Variants in MYO9A observed in about 807,000 individuals in gnomAD.
MYO9A encodes the protein myosin IXA, also known as unconventional myosin-IXa.
Under a neutral mutation model 293.3 loss-of-function variants are expected in MYO9A, and 103 were observed. That is an observed-to-expected ratio of 0.35 (90% CI 0.30 to 0.41). The LOEUF is 0.41. MYO9A is among the 10% of genes least tolerant of loss of function. MYO9A has a pLI of 1.00. For synonymous variants in MYO9A, 1,001 were observed against 1,035.7 expected (o/e 0.97, Z 0.64); for missense variants, 2,685 against 3,033.0 (o/e 0.89, Z 2.69).
chr15:71,852,261 CTATT>C lies in MYO9A; in HGVS notation c.6347-5_6347-2del. On this transcript the variant is annotated splice_acceptor_variant and splice_polypyrimidine_tract_variant and intron_variant, in intron 35 of 41. Transcript: ENST00000356056. LOFTEE classifies it high-confidence loss of function. ...TCATCTAGATTTACACTCTCAGCAT[CTATT>C]TAGAGACAAGAGTTAGATTAACAGA... 4 of 1,601,432 alleles carry C rather than the reference CTATT, an allele frequency of 2.5e-6. No individual in the cohort carries two copies. The highest frequency in any genetic ancestry group is 1.3e-5 in the African/African-American group (1 of 74,660).
At chr15:71,839,608 C>T (rs1168521966) in intron 39 of MYO9A, among the ~76,000 whole-genome samples, 2 of 152,204 alleles carry the variant, frequency 1.3e-5, no homozygotes, top group East Asian at 1.9e-4. Flanking sequence ...TGATATCTCG[C>T]ATTGTTGCCA....
chr15:72,103,379 A>C (rs942429027), intron 1 of MYO9A, among the ~76,000 whole-genome samples: 2 of 150,006 alleles, frequency 1.3e-5, no homozygotes, highest in Non-Finnish European at 3.0e-5. Flanking sequence ...GCAGAAGCAG[A>C]AGCAGCAGCA....
chr15:72,016,385 T>C (rs546890486), intron 6 of MYO9A, among the ~76,000 whole-genome samples: 1 of 152,196 alleles, frequency 6.6e-6, no homozygotes, highest in Non-Finnish European at 1.5e-5. Context: ...GCTTATTTAA[T>C]AGGATAACCC....
chr15:71,889,160 T>C (rs1488256828), intron 26 of MYO9A, among the ~76,000 whole-genome samples: 2 of 151,868 alleles, frequency 1.3e-5, no homozygotes, highest in African/African-American at 2.4e-5. Flanking sequence ...AGCACAAAGA[T>C]AGAACTCTAG....
intron 1 of MYO9A, among the ~76,000 whole-genome samples, chr15:72,107,504 G>A (rs993171686): frequency 2.0e-5 from 3 of 152,102 alleles, no homozygotes; most frequent in Admixed American, 6.5e-5. Flanking sequence ...AGCCAAAATC[G>A]TGCCACTGCA....
intron 18 of MYO9A, among the ~76,000 whole-genome samples, chr15:71,933,000 C>CA (rs1165264524): frequency 2.0e-5 from 3 of 150,338 alleles, no homozygotes; most frequent in African/African-American, 7.3e-5. Context: ...ACAACCCCTG[C>CA]AAAAAAATAA....
At chr15:71,907,354 T>C (rs1439595957) in intron 19 of MYO9A, among the ~76,000 whole-genome samples, 1 of 142,560 alleles carries the variant, frequency 7.0e-6, no homozygotes, top group Non-Finnish European at 1.5e-5. Context: ...TGTTGGACAT[T>C]TGGGTTGGTT....
chr15:71,941,745 G>C (rs1394049885), intron 15 of MYO9A, among the ~76,000 whole-genome samples: 1 of 151,944 alleles, frequency 6.6e-6, no homozygotes, highest in African/African-American at 2.4e-5. Context: ...CAAATATGAA[G>C]AGAAAATTTT....
At chr15:71,852,302 C>A in intron 35 of MYO9A, 42 bp from the exon 36 acceptor site, 3 of 1,522,230 alleles carry the variant, frequency 2.0e-6, no homozygotes, top group Admixed American at 1.8e-5. Context: ...CCAAAACATG[C>A]AAAGAGATTC....
At chr15:72,101,660 C>T (rs1193752473) in intron 1 of MYO9A, among the ~76,000 whole-genome samples, 3 of 140,168 alleles carry the variant, frequency 2.1e-5, no homozygotes, top group Non-Finnish European at 4.7e-5. Context: ...AGGCCCCGCC[C>T]GGCCAGCCGC....
At chr15:72,089,335 T>A (rs938587435) in intron 1 of MYO9A, among the ~76,000 whole-genome samples, 1 of 152,034 alleles carries the variant, frequency 6.6e-6, no homozygotes. Context: ...GCTAATTTTT[T>A]AATTTTTTTG....
At chr15:71,961,600 A>G (rs756220090) in intron 13 of MYO9A, among the ~76,000 whole-genome samples, 2 of 152,206 alleles carry the variant, frequency 1.3e-5, no homozygotes, top group African/African-American at 2.4e-5. Context: ...GAGAGGTGAA[A>G]TATCTTGGCT....
chr15:71,972,930 G>A (rs2076051263), intron 12 of MYO9A, among the ~76,000 whole-genome samples: 1 of 151,856 alleles, frequency 6.6e-6, no homozygotes, highest in Admixed American at 6.6e-5. Context: ...ATAAGGAAAT[G>A]CAAACTAATA....
intron 10 of MYO9A, among the ~76,000 whole-genome samples, 189 bp from the exon 11 acceptor site, chr15:71,991,426 T>C (rs2076538931): frequency 1.3e-5 from 2 of 152,182 alleles, no homozygotes; most frequent in African/African-American, 2.4e-5. Context: ...TTTATCCTAA[T>C]TAAAAAAATA....
intron 22 of MYO9A, 73 bp from the exon 23 acceptor site, chr15:71,901,413 C>A: frequency 6.9e-7 from 1 of 1,440,872 alleles, no homozygotes; most frequent in Non-Finnish European, 9.3e-7. Flanking sequence ...ATCATCCTTT[C>A]TGTGATAAGC....
At chr15:71,984,274 A>T (rs999323557) in intron 11 of MYO9A, among the ~76,000 whole-genome samples, 1 of 152,234 alleles carries the variant, frequency 6.6e-6, no homozygotes, top group African/African-American at 2.4e-5. Context: ...TTGGTAGTTT[A>T]GATGCATTAA....
At chr15:71,964,129 A>G (rs2075812104) in intron 13 of MYO9A, among the ~76,000 whole-genome samples, 1 of 151,992 alleles carries the variant, frequency 6.6e-6, no homozygotes, top group African/African-American at 2.4e-5. Context: ...CATTCCTGGT[A>G]TCTGTAATCT....
chr15:71,953,431 A>G (rs2059101887), intron 14 of MYO9A, among the ~76,000 whole-genome samples: 1 of 152,258 alleles, frequency 6.6e-6, no homozygotes, highest in South Asian at 2.1e-4. Flanking sequence ...CTAATCTGAT[A>G]ATCAGCTAGT....
At chr15:71,953,744 AAT>A (rs2059112390) in intron 14 of MYO9A, 1 of 152,050 alleles carries the variant, frequency 6.6e-6, no homozygotes, top group Non-Finnish European at 1.5e-5. Flanking sequence ...ACTGTGACAT[AAT>A]TTCTAAATCT....
Sources: allele counts gnomAD v4.1 joint callset (sites outside exome capture counted in the v4.1 genomes callset), GRCh38; gene constraint gnomAD v4.1.1; transcripts MANE v1.5; gene names NCBI Gene and HGNC (gene_info 2026-07-23, HGNC 2026-07-21).